Variants in PLCXD3 observed in about 807,000 individuals in gnomAD.
The protein encoded by PLCXD3 is phosphatidylinositol specific phospholipase C X domain containing 3, also known as PI-PLC X domain-containing protein 3.
PLCXD3 carries 19 observed loss-of-function variants against 25.5 expected under a neutral mutation model. The ratio of observed to expected loss-of-function variants is 0.75; its 90% CI spans 0.52 to 1.09. PLCXD3 has a LOEUF of 1.09. PLCXD3 is among the 50% of genes least tolerant of loss of function. PLCXD3 has a pLI of 0.00. For missense variants in PLCXD3, 411 were observed against 388.1 expected (o/e 1.06, Z -0.50); for synonymous variants, 174 against 137.6 (o/e 1.26, Z -1.85).
intron 1 of PLCXD3, among the ~76,000 whole-genome samples, chr5:41,398,520 G>T (rs186492962): frequency 1.3e-5 from 2 of 152,232 alleles, no homozygotes; most frequent in East Asian, 3.9e-4. Flanking sequence ...TGTGAGAAAA[G>T]ACTAACATAA....
chr5:41,458,249 G>A (rs1747800339), intron 1 of PLCXD3, among the ~76,000 whole-genome samples: 1 of 151,652 alleles, frequency 6.6e-6, no homozygotes, highest in South Asian at 2.1e-4. Context: ...GAAGCTTTAG[G>A]GATTCCATAA....
At chr5:41,491,217 T>G (rs1748661340) in intron 1 of PLCXD3, among the ~76,000 whole-genome samples, 1 of 152,232 alleles carries the variant, frequency 6.6e-6, no homozygotes, top group African/African-American at 2.4e-5. Context: ...AGGAGCAGGT[T>G]GTTCAGTTTC....
intron 1 of PLCXD3, among the ~76,000 whole-genome samples, chr5:41,500,753 G>A (rs1748934322): frequency 6.6e-6 from 1 of 151,752 alleles, no homozygotes; most frequent in Admixed American, 6.6e-5. Flanking sequence ...AAGCCTCTCT[G>A]CAGGAAAAGA....
chr5:41,499,812 T>C (rs771457716), intron 1 of PLCXD3, among the ~76,000 whole-genome samples: 1 of 151,638 alleles, frequency 6.6e-6, no homozygotes, highest in Non-Finnish European at 1.5e-5. Context: ...TAAAACAGAA[T>C]AGAGACCAGA....
Position 41,382,429 on chromosome 5 carries a change from T to C in PLCXD3, c.209A>G (p.Lys70Arg). ...GGCTAACCATTTCCGCATGAGCTTTTTGGCCACAGTTCCAAACACAGAGAC... is the reference window on the plus strand; with the variant it reads ...GGCTAACCATTTCCGCATGAGCTTTCTGGCCACAGTTCCAAACACAGAGAC... ...NFVSVFGTVAKKLMRKWLATQ... is the reference protein window; with the variant it reads ...NFVSVFGTVARKLMRKWLATQ... Residue 70 changes from lysine (K) to arginine (R), a missense_variant, in exon 2 of 3, where the codon AAA (lysine) becomes AGA (arginine). Lys to Arg is a conservative substitution (Grantham distance 26). Transcript: ENST00000377801. 6.2e-7 allele frequency: 1 copy of C among 1,613,456 alleles called. No homozygotes were observed. The highest frequency in any genetic ancestry group is 2.2e-5 in the East Asian group (1 of 44,814).
At chr5:41,316,253 C>T (rs1743288769) in intron 2 of PLCXD3, among the ~76,000 whole-genome samples, 1 of 152,118 alleles carries the variant, frequency 6.6e-6, no homozygotes, top group Admixed American at 6.5e-5. Flanking sequence ...TAGACACACC[C>T]TGGGCCAGAA....
intron 2 of PLCXD3, among the ~76,000 whole-genome samples, chr5:41,335,085 T>C (rs16871222): frequency 0.085 from 12,868 of 152,252 alleles, 831 homozygotes; most frequent in East Asian, 0.35. Context: ...ACTTCACAGT[T>C]TCTTCCTCGG....
chr5:41,427,952 A>T (rs925401859), intron 1 of PLCXD3, among the ~76,000 whole-genome samples: 4 of 152,168 alleles, frequency 2.6e-5, no homozygotes. Context: ...CTACCAAAAC[A>T]GGTGAATACA....
chr5:41,489,790 C>G (rs994644015), intron 1 of PLCXD3, among the ~76,000 whole-genome samples: 1 of 151,098 alleles, frequency 6.6e-6, no homozygotes, highest in Non-Finnish European at 1.5e-5. Flanking sequence ...ATTTTGTATC[C>G]TGAGACTTTG....
At chr5:41,488,170 CG>C (rs1748564292) in intron 1 of PLCXD3, among the ~76,000 whole-genome samples, 2 of 149,638 alleles carry the variant, frequency 1.3e-5, no homozygotes, top group Non-Finnish European at 3.0e-5. Context: ...TGAGAATATG[CG>C]GTGTTTGTTT....
chr5:41,380,482 C>T (rs1047823249), intron 2 of PLCXD3, among the ~76,000 whole-genome samples: 2 of 152,040 alleles, frequency 1.3e-5, no homozygotes, highest in African/African-American at 4.8e-5. Flanking sequence ...CATGTCAAGT[C>T]ATGCTACTTT....
At chr5:41,507,046 A>T (rs1368806838) in intron 1 of PLCXD3, among the ~76,000 whole-genome samples, 1 of 152,042 alleles carries the variant, frequency 6.6e-6, no homozygotes, top group Non-Finnish European at 1.5e-5. Flanking sequence ...GGACAGAATG[A>T]CTCTCTGTCA....
Position 41,382,163 on chromosome 5 carries a change from C to G in PLCXD3, c.475G>C (p.Val159Leu). Residue 159 changes from valine to leucine, a missense_variant, in exon 2 of 3, where the codon GTC becomes CTC. Physicochemically the swap from Val to Leu is conservative, Grantham distance 32. Transcript: ENST00000377801. ...CCATAGATGTCTTTCAGCATTTGGA[C>G]CAGTTTTTCATGGTGATATTTCTGC... ...GMQKYHHEKLVQMLKDIYGNK... is the reference protein window; with the variant it reads ...GMQKYHHEKLLQMLKDIYGNK... 1 of 1,613,700 alleles carries G rather than the reference C, an allele frequency of 6.2e-7. No individual in the cohort carries two copies. The highest frequency in any genetic ancestry group is 8.5e-7 in the Non-Finnish European group (1 of 1,179,786).
intron 1 of PLCXD3, among the ~76,000 whole-genome samples, chr5:41,389,269 A>G (rs1194241491): frequency 6.6e-6 from 1 of 152,170 alleles, no homozygotes; most frequent in Non-Finnish European, 1.5e-5. Context: ...ATGTTACAAG[A>G]TACTGGCATC....
rs140194881 is a variant in PLCXD3, at chr5:41,310,598, T to G, written c.*3019A>C. ...AGCTTCGATTGCATATCACCATTTT[T>G]TACTTTTGGAAGGCCCGCAGCCTGC... On this transcript the variant is annotated 3_prime_UTR_variant, in exon 3 of 3. Coordinates refer to ENST00000377801, the MANE Select transcript of PLCXD3 (RefSeq NM_001005473.3). The G allele has an allele frequency of 3.1e-3, 470 of 152,738 alleles. 2 individuals carry two copies. The highest frequency in any genetic ancestry group is 5.3e-3 in the Non-Finnish European group (360 of 68,074). 9.5% of individuals were successfully genotyped at this position (152,738 alleles called of 1,614,324 possible). A position where few individuals can be genotyped will look rare whatever the true frequency, so the allele number is the denominator to read the frequency against.
chr5:41,487,995 G>C (rs931829045), intron 1 of PLCXD3, among the ~76,000 whole-genome samples: 9 of 150,552 alleles, frequency 6.0e-5, no homozygotes, highest in East Asian at 3.9e-4. Context: ...TATACATGTG[G>C]CATGCTGGTG....
intron 2 of PLCXD3, among the ~76,000 whole-genome samples, chr5:41,337,079 A>T (rs1744003843): frequency 6.6e-6 from 1 of 152,144 alleles, no homozygotes; most frequent in African/African-American, 2.4e-5. Flanking sequence ...TCATTTCCAA[A>T]ATGCCACCAG....
chr5:41,337,082 G>C (rs1561236898), intron 2 of PLCXD3, among the ~76,000 whole-genome samples: 1 of 152,100 alleles, frequency 6.6e-6, no homozygotes. Flanking sequence ...TTTCCAAAAT[G>C]CCACCAGGGT....
intron 2 of PLCXD3, among the ~76,000 whole-genome samples, chr5:41,361,894 C>G (rs1744790643): frequency 6.6e-6 from 1 of 152,190 alleles, no homozygotes; most frequent in Admixed American, 6.5e-5. Context: ...AAAGCTCTCA[C>G]AGATGAGAGT....
Sources: allele counts gnomAD v4.1 joint callset (sites outside exome capture counted in the v4.1 genomes callset), GRCh38; gene constraint gnomAD v4.1.1; transcripts MANE v1.5; gene names NCBI Gene and HGNC (gene_info 2026-07-23, HGNC 2026-07-21).